The following CCDC3 variants were observed in gnomAD, a reference collection of about 807,000 sequenced individuals.
CCDC3 encodes the protein coiled-coil domain-containing protein 3.
CCDC3 carries 24 observed loss-of-function variants against 21.4 expected under a neutral mutation model. That is an observed-to-expected ratio of 1.12 (90% confidence interval 0.81 to 1.58). The LOEUF (loss-of-function observed/expected upper bound fraction) is 1.58, where lower values mean the gene tolerates loss of function less well. CCDC3 is among the 40% of genes most tolerant of loss of function. The pLI is 0.00. For synonymous variants in CCDC3, 186 were observed against 166.0 expected (o/e 1.12, Z -0.93); for missense variants, 425 against 360.9 (o/e 1.18, Z -1.44).
intron 2 of CCDC3, among the ~76,000 whole-genome samples, chr10:12,929,906 A>C (rs1272602527): frequency 1.3e-5 from 2 of 152,254 alleles, no homozygotes; most frequent in Non-Finnish European, 2.9e-5. Flanking sequence ...GAGAGGGTAA[A>C]GTACTATTAA....
chr10:13,052,238 G>A (rs1399471576), intron 4 of CCDC3, among the ~76,000 whole-genome samples: 1 of 152,056 alleles, frequency 6.6e-6, no homozygotes, highest in African/African-American at 2.4e-5. Flanking sequence ...GCCAGGTATG[G>A]TGGCACGTGC....
At chr10:12,959,098 C>T (rs546647553) in intron 2 of CCDC3, among the ~76,000 whole-genome samples, 1 of 152,268 alleles carries the variant, frequency 6.6e-6, no homozygotes, top group African/African-American at 2.4e-5. Context: ...ATTCCTACCA[C>T]TGCCCCAGTC....
chr10:13,088,198 T>G (rs1837136037), intron 3 of CCDC3, among the ~76,000 whole-genome samples: 1 of 152,198 alleles, frequency 6.6e-6, no homozygotes, highest in African/African-American at 2.4e-5. Context: ...TACAAGAATT[T>G]TGACTCACCA....
chr10:12,917,188 T>C (rs1166488665), intron 2 of CCDC3, among the ~76,000 whole-genome samples: 7 of 3,188 alleles, frequency 2.2e-3, no homozygotes, highest in African/African-American at 4.3e-3. Flanking sequence ...TTCTTTTTTT[T>C]TTTTTTTTTT....
chr10:13,059,921 T>A (rs1352854694), intron 4 of CCDC3, among the ~76,000 whole-genome samples: 3 of 151,982 alleles, frequency 2.0e-5, no homozygotes, highest in Admixed American at 6.6e-5. Flanking sequence ...ACCCCCTCTC[T>A]ACTAAAAATA....
At chr10:12,988,221 G>C (rs796699662) in intron 2 of CCDC3, among the ~76,000 whole-genome samples, 6 of 152,180 alleles carry the variant, frequency 3.9e-5, no homozygotes, top group African/African-American at 1.4e-4. Flanking sequence ...TCACCTTGGG[G>C]CCAATTGCAA....
chr10:12,966,957 G>A (rs931105519), intron 2 of CCDC3, among the ~76,000 whole-genome samples: 1 of 152,142 alleles, frequency 6.6e-6, no homozygotes, highest in African/African-American at 2.4e-5. Context: ...TATTTTAAAC[G>A]AACTGTCCAG....
At chr10:13,051,868 C>T (rs1026359807) in intron 4 of CCDC3, among the ~76,000 whole-genome samples, 14 of 152,084 alleles carry the variant, frequency 9.2e-5, no homozygotes, top group African/African-American at 2.9e-4. Flanking sequence ...AGCTGACTTC[C>T]GGACTGAGCA....
At chr10:13,054,154 C>CAAAAAAAAAAAA (rs71386143) in intron 4 of CCDC3, among the ~76,000 whole-genome samples, 3 of 99,914 alleles carry the variant, frequency 3.0e-5, no homozygotes, top group African/African-American at 3.5e-5. Context: ...GACTCTGTAT[C>CAAAAAAAAAAAA]AAAAAAAAAA....
At chr10:12,927,434 T>G (rs1834561376) in intron 2 of CCDC3, among the ~76,000 whole-genome samples, 1 of 152,226 alleles carries the variant, frequency 6.6e-6, no homozygotes, top group Non-Finnish European at 1.5e-5. Context: ...AGATTTCTTT[T>G]TTATATTTAG....
intron 3 of CCDC3, among the ~76,000 whole-genome samples, chr10:13,074,579 C>A (rs1438816352): frequency 6.6e-6 from 1 of 151,690 alleles, no homozygotes; most frequent in Non-Finnish European, 1.5e-5. Flanking sequence ...TCCCCCTCCC[C>A]CTCTCCCACT....
chr10:12,983,199 G>A (rs1363064346), intron 2 of CCDC3, among the ~76,000 whole-genome samples: 1 of 142,976 alleles, frequency 7.0e-6, no homozygotes, highest in Non-Finnish European at 1.5e-5. Context: ...AAAGGTTTTG[G>A]GGTAGAATTA....
At chr10:12,901,066 G>GA (rs1834084787) in intron 2 of CCDC3, among the ~76,000 whole-genome samples, 1 of 152,126 alleles carries the variant, frequency 6.6e-6, no homozygotes, top group South Asian at 2.1e-4. Flanking sequence ...ACCAGGGTAT[G>GA]AAGACCAAGG....
At chr10:12,899,481 T>C (rs1427256038) in intron 2 of CCDC3, among the ~76,000 whole-genome samples, 2 of 152,200 alleles carry the variant, frequency 1.3e-5, no homozygotes, top group East Asian at 1.9e-4. Flanking sequence ...TACTCTCATA[T>C]GTGCAAGCTG....
intron 2 of CCDC3, among the ~76,000 whole-genome samples, chr10:12,953,280 A>G (rs1415685689): frequency 6.6e-6 from 1 of 152,078 alleles, no homozygotes; most frequent in Non-Finnish European, 1.5e-5. Flanking sequence ...ACAGCACGGG[A>G]AAGACCTGAC....
chr10:13,011,830 G>A (rs1286666437), intron 5 of CCDC3, among the ~76,000 whole-genome samples: 2 of 152,128 alleles, frequency 1.3e-5, no homozygotes, highest in Non-Finnish European at 2.9e-5. Flanking sequence ...AAACAGCATG[G>A]TAGTGGCACA....
chr10:12,910,213 G>C (rs1834245662), intron 2 of CCDC3, among the ~76,000 whole-genome samples: 1 of 152,158 alleles, frequency 6.6e-6, no homozygotes, highest in Non-Finnish European at 1.5e-5. Context: ...GACTCTCCTT[G>C]GATTGGAAAG....
intron 2 of CCDC3, among the ~76,000 whole-genome samples, chr10:12,994,052 A>G (rs1835719109): frequency 6.6e-6 from 1 of 152,212 alleles, no homozygotes; most frequent in African/African-American, 2.4e-5. Flanking sequence ...TCATATCTAC[A>G]GTCCAGATCC....
At chr10:12,905,228 T>A (rs533278917) in intron 2 of CCDC3, among the ~76,000 whole-genome samples, 1 of 152,222 alleles carries the variant, frequency 6.6e-6, no homozygotes, top group African/African-American at 2.4e-5. Context: ...ATGGGCCACA[T>A]CTGGCCCCCT....
Sources: allele counts gnomAD v4.1 joint callset (sites outside exome capture counted in the v4.1 genomes callset), GRCh38; gene constraint gnomAD v4.1.1; transcripts MANE v1.5; gene names NCBI Gene and HGNC (gene_info 2026-07-23, HGNC 2026-07-21).